The following ELMO1 variants were observed in gnomAD, a reference collection of about 807,000 sequenced individuals.
ELMO1 encodes the protein engulfment and cell motility 1.
Under a neutral mutation model 98.9 loss-of-function variants are expected in ELMO1, and 26 were observed. That is an observed-to-expected ratio of 0.26 (90% CI 0.19 to 0.36). The LOEUF (loss-of-function observed/expected upper bound fraction) is 0.36. Ranked by LOEUF, ELMO1 falls within the 10% of genes least tolerant of loss-of-function variation. The pLI, the probability that ELMO1 is intolerant of heterozygous loss-of-function variation, is 1.00. For synonymous variants in ELMO1, 346 were observed against 346.0 expected (o/e 1.00, Z 0.00); for missense variants, 627 against 935.2 (o/e 0.67, Z 4.30).
chr7:37,235,927 TAAAAC>T (rs1014267247), intron 7 of ELMO1, among the ~76,000 whole-genome samples: 2 of 152,036 alleles, frequency 1.3e-5, no homozygotes, highest in East Asian at 1.9e-4. Flanking sequence ...CGAAGAAAGA[TAAAAC>T]AAATAAACCA....
chr7:37,017,447 C>CG (rs1794005490), intron 15 of ELMO1, among the ~76,000 whole-genome samples: 1 of 152,152 alleles, frequency 6.6e-6, no homozygotes, highest in African/African-American at 2.4e-5. Context: ...GTACAATTTG[C>CG]GCCTCCCTTG....
intron 4 of ELMO1, among the ~76,000 whole-genome samples, chr7:37,285,282 C>T (rs776059812): frequency 3.3e-5 from 5 of 152,204 alleles, no homozygotes; most frequent in Admixed American, 6.5e-5. Context: ...CTTCTGGACC[C>T]ATAAGAGTTC....
At chr7:37,423,011 C>T (rs144932085) in intron 1 of ELMO1, among the ~76,000 whole-genome samples, 43 of 152,350 alleles carry the variant, frequency 2.8e-4, no homozygotes, top group East Asian at 1.3e-3. Context: ...CATTACATAA[C>T]TTGTTTAAAT....
chr7:37,077,577 A>G (rs1797650447), intron 15 of ELMO1, among the ~76,000 whole-genome samples: 1 of 152,232 alleles, frequency 6.6e-6, no homozygotes, highest in African/African-American at 2.4e-5. Flanking sequence ...AGGCCATACA[A>G]TGGTGATCTG....
chr7:37,020,831 T>C (rs1050216676), intron 15 of ELMO1, among the ~76,000 whole-genome samples: 2 of 152,208 alleles, frequency 1.3e-5, no homozygotes, highest in African/African-American at 4.8e-5. Flanking sequence ...GTTGTAAAAT[T>C]ATGAATTACA....
At chr7:37,211,298 A>ACACGCTCGGAAGAGACATCAGT in intron 13 of ELMO1, 88 bp downstream of exon 13, 1 of 1,585,854 alleles carries the variant, frequency 6.3e-7, no homozygotes, top group East Asian at 2.2e-5. Context: ...CAAGAGGACC[A>ACACGCTCGGAAGAGACATCAGT]CACGCTCGGA....
At chr7:36,992,183 A>G (rs1791921801) in intron 16 of ELMO1, among the ~76,000 whole-genome samples, 1 of 152,200 alleles carries the variant, frequency 6.6e-6, no homozygotes, top group Admixed American at 6.5e-5. Flanking sequence ...ACCCATCTAT[A>G]AACAGATCCC....
At chr7:37,102,513 G>A (rs1784695973) in intron 14 of ELMO1, among the ~76,000 whole-genome samples, 1 of 152,192 alleles carries the variant, frequency 6.6e-6, no homozygotes, top group Non-Finnish European at 1.5e-5. Flanking sequence ...AAGGAAGTGA[G>A]ACCTGGAAGT....
chr7:37,112,190 T>C (rs910407802), intron 14 of ELMO1, among the ~76,000 whole-genome samples: 1 of 152,148 alleles, frequency 6.6e-6, no homozygotes, highest in African/African-American at 2.4e-5. Context: ...AGTAAGGGCA[T>C]AGGGCAAAAG....
At chr7:37,371,046 A>G (rs1802096396) in intron 1 of ELMO1, among the ~76,000 whole-genome samples, 1 of 152,234 alleles carries the variant, frequency 6.6e-6, no homozygotes, top group Non-Finnish European at 1.5e-5. Flanking sequence ...TAACTGTCCC[A>G]TATTCATAAA....
intron 13 of ELMO1, among the ~76,000 whole-genome samples, chr7:37,149,596 G>A (rs1036070090): frequency 1.3e-5 from 2 of 152,136 alleles, no homozygotes; most frequent in African/African-American, 4.8e-5. Flanking sequence ...TTTGCATACT[G>A]TCTGTGGCTG....
At chr7:37,183,472 C>A (rs571275294) in intron 13 of ELMO1, among the ~76,000 whole-genome samples, 52 of 152,188 alleles carry the variant, frequency 3.4e-4, no homozygotes, top group African/African-American at 1.2e-3. Context: ...TTTATTTGTT[C>A]GTGCACTACA....
chr7:37,358,950 T>C (rs1801595272), intron 1 of ELMO1, among the ~76,000 whole-genome samples: 1 of 152,206 alleles, frequency 6.6e-6, no homozygotes, highest in Non-Finnish European at 1.5e-5. Context: ...TTATAAGCTA[T>C]TTAAAAAATC....
At chr7:37,147,749 C>T (rs577259968) in intron 13 of ELMO1, among the ~76,000 whole-genome samples, 3 of 151,820 alleles carry the variant, frequency 2.0e-5, no homozygotes, top group Non-Finnish European at 4.4e-5. Context: ...CAACCCAGTT[C>T]CTGATACACA....
intron 14 of ELMO1, among the ~76,000 whole-genome samples, chr7:37,125,056 A>G (rs1455076600): frequency 6.6e-6 from 1 of 152,178 alleles, no homozygotes; most frequent in Non-Finnish European, 1.5e-5. Flanking sequence ...TATTTAACAA[A>G]TGGTGCTGGG....
At chr7:36,942,517 G>A (rs755601367) in intron 16 of ELMO1, among the ~76,000 whole-genome samples, 1 of 152,218 alleles carries the variant, frequency 6.6e-6, no homozygotes, top group Non-Finnish European at 1.5e-5. Flanking sequence ...ACCCTCTGAG[G>A]AGGCTTATGA....
rs34728296 is a variant in ELMO1 at position 37,409,132 on chromosome 7, GA to G, written c.-74+39542del. 9.2e-3 allele frequency among the ~76,000 whole-genome samples: 1,274 copies of G among 138,410 alleles called. 14 individuals are homozygous for G. Among genetic ancestry groups the G allele is most frequent in the African/African-American group, 0.032 (1,161 of 36,850 alleles). The allele number at this position is 138,410 out of a possible 152,430, so 90.8% of individuals were successfully genotyped here. Reference sequence around the variant, plus strand: ...TGACACACAGCAGAGTTTTGCAAGTGAAAAAAAAAAAAAAGTGAACAAAATT... The same window carrying G: ...TGACACACAGCAGAGTTTTGCAAGTGAAAAAAAAAAAAAGTGAACAAAATT... On this transcript the variant is annotated intron_variant, in intron 1 of 21. Coordinates refer to ENST00000310758, the MANE Select transcript of ELMO1 (RefSeq NM_014800.11).
intron 4 of ELMO1, 79 bp downstream of exon 4, chr7:37,314,771 A>T (rs578225573): frequency 7.3e-7 from 1 of 1,371,458 alleles, no homozygotes; most frequent in South Asian, 1.3e-5. Flanking sequence ...CTGCATGTCT[A>T]GGCCCGAACA....
At chr7:37,102,366 C>T (rs1784690443) in intron 14 of ELMO1, among the ~76,000 whole-genome samples, 1 of 152,190 alleles carries the variant, frequency 6.6e-6, no homozygotes, top group Non-Finnish European at 1.5e-5. Context: ...ATTAAACAAA[C>T]ATGTCCAAGC....
Sources: allele counts gnomAD v4.1 joint callset (sites outside exome capture counted in the v4.1 genomes callset), GRCh38; gene constraint gnomAD v4.1.1; transcripts MANE v1.5; gene names NCBI Gene and HGNC (gene_info 2026-07-23, HGNC 2026-07-21).